Variants in FUT8 observed in about 807,000 individuals in gnomAD.
FUT8 encodes the protein alpha-(1,6)-fucosyltransferase.
In FUT8, 29 loss-of-function variants were observed where a neutral mutation model predicts 71.3. The ratio of observed to expected loss-of-function variants is 0.41; its 90% CI spans 0.30 to 0.55. FUT8 has a LOEUF of 0.55. FUT8 is among the 20% of genes least tolerant of loss of function. The pLI is 0.34. For synonymous variants in FUT8, 254 were observed against 239.3 expected (o/e 1.06, Z -0.57); for missense variants, 544 against 702.1 (o/e 0.77, Z 2.55).
chr14:65,468,051 A>T lies in FUT8; in HGVS notation c.-228+12333A>T, dbSNP rs2066072915. 4.5e-6 allele frequency: 3 copies of T among 664,554 alleles called. No individual in the cohort carries two copies. The East Asian group carries it at 8.6e-5, about 19-fold the overall frequency. 41.2% of individuals were successfully genotyped at this position (664,554 alleles called of 1,614,324 possible). A position where few individuals can be genotyped will look rare whatever the true frequency, so the allele number is the denominator to read the frequency against. ...TCTCTTGGCAAGAATCTTGCCCTTA[A>T]CTTGTTTGTTGACAAGTTGTTTACA... On this transcript the variant is annotated intron_variant, in intron 2 of 10. Coordinates refer to ENST00000673929, the MANE Select transcript of FUT8 (RefSeq NM_001371533.1).
At chr14:65,431,622 C>T (rs1355017531) in intron 1 of FUT8, among the ~76,000 whole-genome samples, 1 of 151,118 alleles carries the variant, frequency 6.6e-6, no homozygotes, top group African/African-American at 2.4e-5. Context: ...CTTCCTAGGG[C>T]CTGATTCCAG....
rs1028485862 is a variant in FUT8, at chr14:65,501,404, T to A, written c.-228+45686T>A. Among the ~76,000 whole-genome samples, 12 of 152,202 alleles carry A rather than the reference T, an allele frequency of 7.9e-5. 1 individual carries two copies. The South Asian group carries it at 1.5e-3, about 18-fold the overall frequency. On this transcript the variant is annotated intron_variant, in intron 2 of 10. Coordinates refer to ENST00000673929, the MANE Select transcript of FUT8 (RefSeq NM_001371533.1). The stretch of plus-strand genomic sequence containing the variant: ...AACTTGGAGTTGGGACCTCATAGAA[T>A]TGGGGTTCAAAACCTCTGGAGGGGG...
chr14:65,459,194 GA>G (rs1312611502), intron 2 of FUT8, among the ~76,000 whole-genome samples: 1 of 152,152 alleles, frequency 6.6e-6, no homozygotes, highest in African/African-American at 2.4e-5. Flanking sequence ...ATACAACACA[GA>G]GTCAAAGATA....
At chr14:65,617,553 C>G (rs1889350063) in intron 5 of FUT8, among the ~76,000 whole-genome samples, 1 of 152,100 alleles carries the variant, frequency 6.6e-6, no homozygotes, top group African/African-American at 2.4e-5. Context: ...GTTTTTTAGG[C>G]CAATTCACAT....
intron 7 of FUT8, among the ~76,000 whole-genome samples, chr14:65,690,507 A>G (rs1170240259): frequency 6.6e-6 from 1 of 152,174 alleles, no homozygotes; most frequent in Non-Finnish European, 1.5e-5. Context: ...TCTTCTATCC[A>G]TGAACCTGGA....
At chr14:65,474,999 A>AT (rs1047753063) in intron 2 of FUT8, among the ~76,000 whole-genome samples, 78 of 152,092 alleles carry the variant, frequency 5.1e-4, no homozygotes, top group African/African-American at 1.7e-3. Flanking sequence ...GGAAGACAGG[A>AT]TTTTTTTGGG....
intron 1 of FUT8, among the ~76,000 whole-genome samples, chr14:65,441,244 T>A (rs1181360990): frequency 3.3e-5 from 5 of 152,202 alleles, no homozygotes; most frequent in Non-Finnish European, 7.4e-5. Flanking sequence ...AGGATGTTTG[T>A]GGAGTTAGAA....
chr14:65,379,375 G>C, the FUT8 span, among the ~76,000 whole-genome samples: 1 of 151,690 alleles, frequency 6.6e-6, no homozygotes. Flanking sequence ...ACTAAAAATA[G>C]AAAAAACTAG....
At chr14:65,450,348 A>G (rs1056903691) in intron 1 of FUT8, among the ~76,000 whole-genome samples, 1 of 151,960 alleles carries the variant, frequency 6.6e-6, no homozygotes, top group Non-Finnish European at 1.5e-5. Context: ...TCTTTTTTCT[A>G]TCATGGAGAT....
At chr14:65,723,066 C>T (rs980761444) in intron 8 of FUT8, among the ~76,000 whole-genome samples, 3 of 151,262 alleles carry the variant, frequency 2.0e-5, no homozygotes, top group Non-Finnish European at 4.4e-5. Context: ...GTAATCACAA[C>T]ACTGGGAGGC....
At chr14:65,677,231 G>A (rs1015439918) in intron 7 of FUT8, among the ~76,000 whole-genome samples, 22 of 148,792 alleles carry the variant, frequency 1.5e-4, no homozygotes, top group African/African-American at 5.5e-4. Context: ...ATGCATTTTT[G>A]TTGCCTTAGC....
At chr14:65,696,175 C>T (rs117391557) in intron 7 of FUT8, among the ~76,000 whole-genome samples, 1,828 of 152,180 alleles carry the variant, frequency 0.012, 14 homozygotes, top group Middle Eastern at 0.024. Flanking sequence ...TTCATTTATA[C>T]CTCTCTAACA....
chr14:65,514,308 C>T (rs1406215590), intron 2 of FUT8, among the ~76,000 whole-genome samples: 1 of 151,880 alleles, frequency 6.6e-6, no homozygotes, highest in Non-Finnish European at 1.5e-5. Flanking sequence ...GGCCTCCTGT[C>T]CTATCAGTGC....
chr14:65,404,569 G>C, the FUT8 span, among the ~76,000 whole-genome samples: 1 of 151,538 alleles, frequency 6.6e-6, no homozygotes, highest in Non-Finnish European at 1.5e-5. Flanking sequence ...TCTGCCTCCC[G>C]GGTCAAGCAA....
intron 2 of FUT8, among the ~76,000 whole-genome samples, chr14:65,520,485 C>G (rs1883007122): frequency 6.6e-6 from 1 of 152,042 alleles, no homozygotes; most frequent in Non-Finnish European, 1.5e-5. Flanking sequence ...ATTATTACTA[C>G]CTATTTTCTT....
chr14:65,452,315 G>A (rs1312776514), intron 1 of FUT8, among the ~76,000 whole-genome samples: 1 of 152,134 alleles, frequency 6.6e-6, no homozygotes, highest in Non-Finnish European at 1.5e-5. Flanking sequence ...TTCCACCTAA[G>A]ACAACTAAAG....
At chr14:65,650,751 A>G (rs1891365444) in intron 6 of FUT8, among the ~76,000 whole-genome samples, 1 of 150,926 alleles carries the variant, frequency 6.6e-6, no homozygotes, top group African/African-American at 2.4e-5. Context: ...ACAAACTTGT[A>G]ATTTCCTATT....
chr14:65,376,829 C>T, the FUT8 span, among the ~76,000 whole-genome samples: 1 of 152,150 alleles, frequency 6.6e-6, no homozygotes, highest in Admixed American at 6.5e-5. Flanking sequence ...GGACTCAGAC[C>T]TGGGCTCTTC....
At chr14:65,528,491 G>C (rs1309773128) in intron 2 of FUT8, among the ~76,000 whole-genome samples, 1 of 152,210 alleles carries the variant, frequency 6.6e-6, no homozygotes, top group Admixed American at 6.5e-5. Flanking sequence ...GACCCCTTGA[G>C]CTTCCCAGGT....
Sources: allele counts gnomAD v4.1 joint callset (sites outside exome capture counted in the v4.1 genomes callset), GRCh38; gene constraint gnomAD v4.1.1; transcripts MANE v1.5; gene names NCBI Gene and HGNC (gene_info 2026-07-23, HGNC 2026-07-21).